The following HIVEP2 variants were observed in gnomAD, a reference collection of about 807,000 sequenced individuals.
The protein encoded by HIVEP2 is HIVEP zinc finger 2.
A neutral mutation model predicts 180.7 loss-of-function variants in HIVEP2; 14 were observed. The observed-to-expected ratio is 0.08, with a 90% CI of 0.05 to 0.12. The LOEUF (loss-of-function observed/expected upper bound fraction) is 0.12. Ranked by LOEUF, HIVEP2 falls within the 10% of genes least tolerant of loss-of-function variation. The pLI, the probability that HIVEP2 is intolerant of heterozygous loss-of-function variation, is 1.00. For missense variants in HIVEP2, 2,579 were observed against 3,008.5 expected, an observed-to-expected ratio of 0.86 and a Z score of 3.34; for synonymous variants, 1,184 against 1,136.4, an observed-to-expected ratio of 1.04 and a Z score of -0.84.
chr6:142,759,701 C>T (rs1775171242), intron 9 of HIVEP2, 71 bp downstream of exon 9: 2 of 1,221,128 alleles, frequency 1.6e-6, no homozygotes, highest in Non-Finnish European at 2.3e-6. Context: ...CTAAACTTCA[C>T]ACCAGTGCAT....
intron 1 of HIVEP2, among the ~76,000 whole-genome samples, chr6:142,841,052 C>T (rs1424206102): frequency 6.6e-6 from 1 of 152,018 alleles, no homozygotes; most frequent in Non-Finnish European, 1.5e-5. Flanking sequence ...TATCTACTCA[C>T]ATAATTTGAC....
At chr6:142,886,883 T>C (rs986403718) in intron 1 of HIVEP2, among the ~76,000 whole-genome samples, 1 of 152,142 alleles carries the variant, frequency 6.6e-6, no homozygotes, top group Non-Finnish European at 1.5e-5. Flanking sequence ...TCCTGGTAGG[T>C]TCTACATCAC....
chr6:142,764,458 C>G (rs1259820617), intron 7 of HIVEP2, among the ~76,000 whole-genome samples: 1 of 152,200 alleles, frequency 6.6e-6, no homozygotes, highest in African/African-American at 2.4e-5. Flanking sequence ...TTCTCTAATA[C>G]CACTGCATGT....
At chr6:142,933,122 A>G (rs1022978828) in intron 1 of HIVEP2, among the ~76,000 whole-genome samples, 2 of 152,230 alleles carry the variant, frequency 1.3e-5, no homozygotes, top group African/African-American at 4.8e-5. Context: ...TATCAGAAAG[A>G]AAGCAATGGG....
intron 1 of HIVEP2, among the ~76,000 whole-genome samples, chr6:142,897,831 C>A (rs1394982630): frequency 6.6e-6 from 1 of 152,178 alleles, no homozygotes; most frequent in Non-Finnish European, 1.5e-5. Flanking sequence ...TATACTGATT[C>A]ATCCTTGAGC....
At chr6:142,878,752 T>C (rs1435248769) in intron 1 of HIVEP2, among the ~76,000 whole-genome samples, 2 of 152,102 alleles carry the variant, frequency 1.3e-5, no homozygotes, top group Admixed American at 6.6e-5. Context: ...TGAGTGGTGA[T>C]AAAAAGTGAC....
intron 1 of HIVEP2, among the ~76,000 whole-genome samples, chr6:142,914,658 A>G (rs140736699): frequency 8.3e-4 from 127 of 152,354 alleles, no homozygotes; most frequent in African/African-American, 3.0e-3. Flanking sequence ...TAGTTGGTAC[A>G]TAATAAATAA....
At chr6:142,826,500 T>C (rs149544035) in intron 2 of HIVEP2, among the ~76,000 whole-genome samples, 212 of 152,310 alleles carry the variant, frequency 1.4e-3, no homozygotes, top group African/African-American at 4.7e-3. Context: ...TGAACAAACA[T>C]ACTAACCCTA....
In HIVEP2 at chr6:142,810,688, G is replaced by A. The variant is rs147769931; in HGVS notation, c.-528+26247C>T. 9.8e-3 allele frequency among the ~76,000 whole-genome samples: 1,465 copies of A among 149,976 alleles called. 21 individuals are homozygous for A. The highest frequency in any genetic ancestry group is 0.014 in the Non-Finnish European group (964 of 67,778). On this transcript the variant is annotated intron_variant, in intron 2 of 9. Coordinates refer to ENST00000367603, the MANE Select transcript of HIVEP2 (RefSeq NM_006734.4). ...GAGGCAGGAGAATTGCTTGAACCCG[G>A]AAGGTGGAGGTTGCAGTGAGCTAAG...
intron 2 of HIVEP2, among the ~76,000 whole-genome samples, chr6:142,793,695 C>CTCTCTCTG (rs1562521514): frequency 8.0e-6 from 1 of 125,456 alleles, no homozygotes; most frequent in Non-Finnish European, 1.7e-5. Context: ...CTCTCTCTCT[C>CTCTCTCTG]TCTGTCTGTC....
intron 1 of HIVEP2, among the ~76,000 whole-genome samples, chr6:142,902,448 T>G (rs188054163): frequency 5.2e-4 from 79 of 152,326 alleles, no homozygotes; most frequent in Non-Finnish European, 1.0e-3. Context: ...ATTAAATATT[T>G]TTAAAGTGAG....
chr6:142,918,125 T>C (rs1197745550), intron 1 of HIVEP2, among the ~76,000 whole-genome samples: 1 of 152,126 alleles, frequency 6.6e-6, no homozygotes, highest in Non-Finnish European at 1.5e-5. Flanking sequence ...ACTACAACAG[T>C]CTCTCTACTT....
At chr6:142,768,641 C>T (rs1775435778) in intron 5 of HIVEP2, 105 bp from the exon 6 acceptor site, 2 of 1,130,812 alleles carry the variant, frequency 1.8e-6, no homozygotes, top group South Asian at 1.4e-5. Flanking sequence ...AAATTCTGTA[C>T]TAAAAGGCCA....
intron 9 of HIVEP2, among the ~76,000 whole-genome samples, chr6:142,757,385 G>C (rs1433791178): frequency 6.6e-6 from 1 of 152,188 alleles, no homozygotes; most frequent in South Asian, 2.1e-4. Flanking sequence ...GATCAGCCAG[G>C]TGCGATGGCT....
chr6:142,760,767 T>C, intron 8 of HIVEP2, 100 bp from the exon 9 acceptor site: 1 of 814,974 alleles, frequency 1.2e-6, no homozygotes, highest in South Asian at 1.9e-5. Context: ...TCCCAATCCC[T>C]AGTGCCCACA....
At chr6:142,760,842 A>G (rs553125066) in intron 8 of HIVEP2, among the ~76,000 whole-genome samples, 175 bp from the exon 9 acceptor site, 2 of 152,310 alleles carry the variant, frequency 1.3e-5, no homozygotes, top group African/African-American at 4.8e-5. Context: ...CGTTCATTCT[A>G]TCTTCTTGTA....
At chr6:142,925,778 GTA>G (rs1777792490) in intron 1 of HIVEP2, among the ~76,000 whole-genome samples, 1 of 152,172 alleles carries the variant, frequency 6.6e-6, no homozygotes, top group Non-Finnish European at 1.5e-5. Flanking sequence ...TAAACATAGT[GTA>G]TGTTCCAATT....
intron 2 of HIVEP2, among the ~76,000 whole-genome samples, chr6:142,817,296 T>C (rs1372281948): frequency 2.0e-5 from 3 of 152,218 alleles, no homozygotes; most frequent in Non-Finnish European, 4.4e-5. Flanking sequence ...TAGCCAATGC[T>C]AGAAAAAACA....
intron 1 of HIVEP2, among the ~76,000 whole-genome samples, chr6:142,865,686 A>G (rs1424777062): frequency 6.6e-6 from 1 of 152,174 alleles, no homozygotes. Flanking sequence ...CAGTACATTG[A>G]AAAGAGGCAC....
Sources: gnomAD v4.1 joint callset for allele counts (sites outside exome capture counted in the v4.1 genomes callset) on GRCh38, gnomAD v4.1.1 for gene constraint, MANE v1.5 for transcripts, NCBI Gene and HGNC (gene_info 2026-07-23, HGNC 2026-07-21) for gene names.